Variants in GPR39 observed in about 807,000 individuals in gnomAD.
GPR39 encodes the protein zinc sensing receptor.
Under a neutral mutation model 18.4 loss-of-function variants are expected in GPR39, and 23 were observed. The ratio of observed to expected loss-of-function variants is 1.25; its 90% confidence interval spans 0.90 to 1.77. The LOEUF is 1.77. Among genes scored for constraint, GPR39 ranks in the 40% most tolerant of loss-of-function variants. The pLI, the probability that GPR39 is intolerant of heterozygous loss-of-function variation, is 0.00. For missense variants in GPR39, 647 were observed against 602.4 expected, an observed-to-expected ratio of 1.07 and a Z score of -0.78; for synonymous variants, 280 against 257.9, an observed-to-expected ratio of 1.09 and a Z score of -0.82.
chr2:132,469,980 G>A (rs1681001485), intron 1 of GPR39, among the ~76,000 whole-genome samples: 1 of 152,192 alleles, frequency 6.6e-6, no homozygotes, highest in African/African-American at 2.4e-5. Context: ...GAGAATGCAA[G>A]GTCTTTAAGT....
At chr2:132,636,615 G>A (rs1558866737) in intron 1 of GPR39, among the ~76,000 whole-genome samples, 1 of 152,234 alleles carries the variant, frequency 6.6e-6, no homozygotes, top group African/African-American at 2.4e-5. Flanking sequence ...CATGGGCTGT[G>A]TAAATTTGGG....
At chr2:132,559,211 G>C (rs1680204946) in intron 1 of GPR39, among the ~76,000 whole-genome samples, 1 of 152,180 alleles carries the variant, frequency 6.6e-6, no homozygotes, top group African/African-American at 2.4e-5. Flanking sequence ...CCGAGGTTGG[G>C]ATCCAGGATC....
intron 1 of GPR39, among the ~76,000 whole-genome samples, chr2:132,513,374 G>A (rs1021766829): frequency 1.7e-4 from 26 of 152,040 alleles, no homozygotes; most frequent in Non-Finnish European, 3.7e-4. Flanking sequence ...GAAGCGGGAG[G>A]ATGGCGTGAA....
chr2:132,520,206 T>G (rs536088785), intron 1 of GPR39, among the ~76,000 whole-genome samples: 19 of 152,186 alleles, frequency 1.2e-4, no homozygotes, highest in Admixed American at 3.9e-4. Flanking sequence ...AAGTCAGCCT[T>G]TACCTCCTCC....
intron 1 of GPR39, among the ~76,000 whole-genome samples, chr2:132,501,669 T>TGTCTAG (rs1679038375): frequency 6.6e-6 from 1 of 152,108 alleles, no homozygotes; most frequent in Non-Finnish European, 1.5e-5. Flanking sequence ...CTTGATGACC[T>TGTCTAG]GTCTAGTAAA....
At chr2:132,491,462 G>A (rs1681459285) in intron 1 of GPR39, among the ~76,000 whole-genome samples, 1 of 151,998 alleles carries the variant, frequency 6.6e-6, no homozygotes, top group African/African-American at 2.4e-5. Context: ...ACCACATTTT[G>A]TATTGCCTGG....
intron 1 of GPR39, among the ~76,000 whole-genome samples, chr2:132,457,098 C>T (rs1680742722): frequency 6.6e-6 from 1 of 152,170 alleles, no homozygotes; most frequent in Non-Finnish European, 1.5e-5. Context: ...CCATTCTTCC[C>T]ATCACTTTAA....
chr2:132,538,769 G>A lies in GPR39; in HGVS notation c.857-106332G>A, dbSNP rs376109533. 3.9e-5 allele frequency among the ~76,000 whole-genome samples: 6 copies of A among 152,340 alleles called. No individual in the cohort carries two copies. In the East Asian group the frequency reaches 7.7e-4, roughly 20 times the overall value. ...GCTGCAGAGATGCCCTGCCCCGTGA[G>A]GAAGAATCTAGAGAAACATTCTGGC... is the stretch of plus-strand genomic sequence containing the variant. On this transcript the variant is annotated intron_variant, in intron 1 of 1. Transcript: ENST00000329321.
At chr2:132,548,298 A>C (rs182011851) in intron 1 of GPR39, among the ~76,000 whole-genome samples, 1 of 152,324 alleles carries the variant, frequency 6.6e-6, no homozygotes, top group East Asian at 1.9e-4. Flanking sequence ...ACTATTGCTA[A>C]AGGTCTTCTG....
At chr2:132,612,679 T>C (rs1681257039) in intron 1 of GPR39, among the ~76,000 whole-genome samples, 3 of 152,246 alleles carry the variant, frequency 2.0e-5, no homozygotes, top group Admixed American at 2.0e-4. Flanking sequence ...CTAGATCCTC[T>C]GTTGCTCAGT....
At chr2:132,493,745 C>T (rs2104798836) in intron 1 of GPR39, among the ~76,000 whole-genome samples, 1 of 151,840 alleles carries the variant, frequency 6.6e-6, no homozygotes, top group South Asian at 2.1e-4. Flanking sequence ...ACTTAGGGTT[C>T]TCCAGCAGAT....
intron 1 of GPR39, among the ~76,000 whole-genome samples, chr2:132,533,886 A>G (rs1426701309): frequency 6.6e-6 from 1 of 152,204 alleles, no homozygotes; most frequent in Non-Finnish European, 1.5e-5. Flanking sequence ...AACCATAAAA[A>G]CCCTAGAAGA....
chr2:132,488,027 A>C (rs1681376393), intron 1 of GPR39, among the ~76,000 whole-genome samples: 1 of 152,192 alleles, frequency 6.6e-6, no homozygotes. Context: ...AAAACAGTGT[A>C]TATAGCTTTC....
At position 132,596,006 on chromosome 2, in the gene GPR39, C is replaced by A. The variant is rs72983695; in HGVS notation, c.857-49095C>A. ...CTTTAGTGTAGCCAGCTCTCCCCCA[C>A]CCTTATGGAAAAGCAGTTCCTCCCA... On this transcript the variant is annotated intron_variant, in intron 1 of 1. Coordinates refer to ENST00000329321, the MANE Select transcript of GPR39 (RefSeq NM_001508.3). 1.0e-3 allele frequency among the ~76,000 whole-genome samples: 158 copies of A among 152,282 alleles called. 1 individual carries two copies. Among genetic ancestry groups the A allele is most frequent in the African/African-American group, 3.7e-3 (154 of 41,552 alleles).
chr2:132,503,669 A>G (rs1417050965), intron 1 of GPR39, among the ~76,000 whole-genome samples: 1 of 152,214 alleles, frequency 6.6e-6, no homozygotes, highest in Non-Finnish European at 1.5e-5. Context: ...CCAAGAGATT[A>G]TGACCTTTGT....
At chr2:132,602,934 G>A (rs58075467) in intron 1 of GPR39, among the ~76,000 whole-genome samples, 36,183 of 150,518 alleles carry the variant, frequency 0.24, 4,855 homozygotes, top group African/African-American at 0.36. Flanking sequence ...CATACTGTTG[G>A]TGATCATGTA....
chr2:132,525,239 AT>A (rs1369412487), intron 1 of GPR39, among the ~76,000 whole-genome samples: 1 of 152,192 alleles, frequency 6.6e-6, no homozygotes, highest in Non-Finnish European at 1.5e-5. Flanking sequence ...CACAGGATTG[AT>A]TCAGAGCACG....
intron 1 of GPR39, among the ~76,000 whole-genome samples, chr2:132,599,924 G>A (rs367973816): frequency 9.2e-5 from 14 of 152,282 alleles, no homozygotes; most frequent in East Asian, 3.9e-4. Context: ...TCTGCTCATG[G>A]ATGAGATATG....
intron 1 of GPR39, among the ~76,000 whole-genome samples, chr2:132,591,175 C>T (rs961526777): frequency 6.8e-5 from 10 of 146,836 alleles, no homozygotes; most frequent in South Asian, 2.2e-4. Context: ...GGCGTGAACC[C>T]GGGAAGCGGA....
Sources: allele counts gnomAD v4.1 joint callset (sites outside exome capture counted in the v4.1 genomes callset), GRCh38; gene constraint gnomAD v4.1.1; transcripts MANE v1.5; gene names NCBI Gene and HGNC (gene_info 2026-07-23, HGNC 2026-07-21).